Variants in RBFOX1 observed in about 807,000 individuals in gnomAD.
RBFOX1 encodes the protein RNA binding protein fox-1 homolog 1.
A neutral mutation model predicts 57.7 loss-of-function variants in RBFOX1; 8 were observed. The ratio of observed to expected loss-of-function variants is 0.14; its 90% CI spans 0.08 to 0.25. The LOEUF (loss-of-function observed/expected upper bound fraction) is 0.25, where lower values mean the gene tolerates loss of function less well. Among genes scored for constraint, RBFOX1 ranks in the 10% least tolerant of loss-of-function variants. The pLI, the probability that RBFOX1 is intolerant of heterozygous loss-of-function variation, is 1.00. For missense variants in RBFOX1, 611 were observed against 548.5 expected (o/e 1.11, Z -1.14); for synonymous variants, 326 against 222.4 (o/e 1.47, Z -4.15).
At chr16:7,380,987 C>T (rs1268401786) in intron 4 of RBFOX1, among the ~76,000 whole-genome samples, 1 of 152,184 alleles carries the variant, frequency 6.6e-6, no homozygotes, top group Non-Finnish European at 1.5e-5. Context: ...GTAGACAGGT[C>T]TATCCTAGTG....
intron 2 of RBFOX1, among the ~76,000 whole-genome samples, chr16:6,642,070 A>C (rs2098495949): frequency 6.6e-6 from 1 of 152,180 alleles, no homozygotes; most frequent in Non-Finnish European, 1.5e-5. Context: ...CTGAGGGTGC[A>C]GCTACGGAGA....
At chr16:6,634,660 A>G (rs908401756) in intron 2 of RBFOX1, among the ~76,000 whole-genome samples, 5 of 89,200 alleles carry the variant, frequency 5.6e-5, no homozygotes, top group Non-Finnish European at 1.3e-4. Context: ...ATACAAATAT[A>G]TGTATATATG....
intron 5 of RBFOX1, among the ~76,000 whole-genome samples, chr16:7,523,764 A>G (rs1423542281): frequency 6.6e-6 from 1 of 152,196 alleles, no homozygotes; most frequent in Non-Finnish European, 1.5e-5. Context: ...ACAAACAATT[A>G]CATCTGTATA....
At chr16:6,238,447 G>C (rs2097522978) in intron 1 of RBFOX1, among the ~76,000 whole-genome samples, 1 of 152,086 alleles carries the variant, frequency 6.6e-6, no homozygotes, top group Non-Finnish European at 1.5e-5. Context: ...ATGCCTCCTG[G>C]CATGGTGGAA....
At chr16:6,214,730 A>C (rs1293808104) in intron 1 of RBFOX1, among the ~76,000 whole-genome samples, 1 of 105,484 alleles carries the variant, frequency 9.5e-6, no homozygotes, top group African/African-American at 3.7e-5. Flanking sequence ...GGAGAGAGGG[A>C]GAAGGAGAGG....
Position 6,966,030 on chromosome 16 carries a change from C to A in RBFOX1, c.-15-86027C>A, listed in dbSNP as rs74008502. Among the ~76,000 whole-genome samples, 137 of 152,144 alleles carry A rather than the reference C, an allele frequency of 9.0e-4. 1 individual carries two copies. Among genetic ancestry groups the A allele is most frequent in the African/African-American group, 3.1e-3 (129 of 41,498 alleles). ...AGCGTATCATAGAAAATCGGAGATA[C>A]GTTTTCTTATCTTAGAAATAAGAAC... On this transcript the variant is annotated intron_variant, in intron 3 of 15. Coordinates refer to ENST00000550418, the MANE Select transcript of RBFOX1 (RefSeq NM_018723.4).
chr16:5,821,421 G>C (rs1465611252), intron 3 of RBFOX1, among the ~76,000 whole-genome samples: 2 of 150,252 alleles, frequency 1.3e-5, no homozygotes, highest in East Asian at 4.0e-4. Context: ...TTCTGCCTCA[G>C]CCTCCCAAGT....
intron 3 of RBFOX1, among the ~76,000 whole-genome samples, chr16:6,883,150 G>T (rs1398297161): frequency 6.6e-6 from 1 of 152,124 alleles, no homozygotes; most frequent in Non-Finnish European, 1.5e-5. Context: ...GAGGTGGGGA[G>T]GTAGCCATTT....
intron 14 of RBFOX1, among the ~76,000 whole-genome samples, chr16:7,701,312 G>T (rs1424018739): frequency 6.6e-6 from 1 of 151,926 alleles, no homozygotes; most frequent in African/African-American, 2.4e-5. Flanking sequence ...AGCGGGGTGG[G>T]GGGTGAGCAA....
chr16:5,815,298 T>G (rs1196926851), intron 3 of RBFOX1, among the ~76,000 whole-genome samples: 1 of 151,888 alleles, frequency 6.6e-6, no homozygotes, highest in Non-Finnish European at 1.5e-5. Flanking sequence ...CTGGCCTGAT[T>G]TCCTTTCCAA....
chr16:7,624,719 C>G (rs995434304), intron 10 of RBFOX1, among the ~76,000 whole-genome samples: 1 of 152,138 alleles, frequency 6.6e-6, no homozygotes, highest in Admixed American at 6.5e-5. Context: ...GCCTTCTTCC[C>G]TGAGTAAGCT....
intron 4 of RBFOX1, among the ~76,000 whole-genome samples, chr16:7,180,328 G>A (rs888541455): frequency 6.6e-6 from 1 of 152,122 alleles, no homozygotes; most frequent in South Asian, 2.1e-4. Flanking sequence ...ATAGAAAACT[G>A]AGGCTAAGAG....
chr16:7,069,462 C>G lies in RBFOX1; in HGVS notation c.27+17364C>G, dbSNP rs1353256934. Among the ~76,000 whole-genome samples, 5 of 152,124 alleles carry G rather than the reference C, an allele frequency of 3.3e-5. No individual in the cohort carries two copies. In the East Asian group the frequency reaches 7.7e-4, roughly 23 times the overall value. ...AGCATGCGGTGTTCAGTTTTCTGTT[C>G]CTGTTTTCGTTCACTGAGGATAATG... On this transcript the variant is annotated intron_variant, in intron 4 of 15. Coordinates refer to ENST00000550418, the MANE Select transcript of RBFOX1 (RefSeq NM_018723.4).
At chr16:6,453,430 C>T (rs1359493162) in intron 2 of RBFOX1, among the ~76,000 whole-genome samples, 3 of 152,028 alleles carry the variant, frequency 2.0e-5, no homozygotes, top group Non-Finnish European at 4.4e-5. Context: ...AGAAAATCTA[C>T]AAGAAATGGA....
intron 3 of RBFOX1, among the ~76,000 whole-genome samples, chr16:7,020,315 C>T (rs1021604513): frequency 2.6e-5 from 4 of 152,068 alleles, no homozygotes; most frequent in Admixed American, 6.6e-5. Context: ...AACCTCTGTC[C>T]GCCAGGTTCA....
intron 1 of RBFOX1, among the ~76,000 whole-genome samples, chr16:5,305,649 G>A (rs2063914823): frequency 6.6e-6 from 1 of 152,186 alleles, no homozygotes; most frequent in Admixed American, 6.5e-5. Flanking sequence ...GTCTGCTGAA[G>A]AAGAAATGGG....
chr16:6,975,982 C>G (rs777151976), intron 3 of RBFOX1, among the ~76,000 whole-genome samples: 1 of 151,948 alleles, frequency 6.6e-6, no homozygotes, highest in Non-Finnish European at 1.5e-5. Context: ...CAAAAATTAG[C>G]CAGGCATGGT....
chr16:6,042,432 AT>A, intron 1 of RBFOX1, among the ~76,000 whole-genome samples: 1 of 152,116 alleles, frequency 6.6e-6, no homozygotes, highest in Non-Finnish European at 1.5e-5. Context: ...CTCCGTGATT[AT>A]ACTGGACCTA....
Position 5,581,023 on chromosome 16 carries a change from G to A in RBFOX1, c.259-17879G>A, listed in dbSNP as rs567599460. Among the ~76,000 whole-genome samples the A allele has an allele frequency of 3.3e-5, 5 of 152,300 alleles. 1 individual carries two copies. The highest frequency in any genetic ancestry group is 1.2e-4 in the African/African-American group (5 of 41,564). On this transcript the variant is annotated intron_variant, in intron 2 of 2. Transcript: ENST00000585867. ...GATTCAAGGGCTGTCAGTGTGCACAGACCTGGGATGGATTTTTAATGAACC... is the reference window on the plus strand; with the variant it reads ...GATTCAAGGGCTGTCAGTGTGCACAAACCTGGGATGGATTTTTAATGAACC...
Sources: allele counts gnomAD v4.1 joint callset (sites outside exome capture counted in the v4.1 genomes callset), GRCh38; gene constraint gnomAD v4.1.1; transcripts MANE v1.5; gene names NCBI Gene and HGNC (gene_info 2026-07-23, HGNC 2026-07-21).